Variants in OS9 observed in about 807,000 individuals in gnomAD.
OS9 encodes the protein protein OS-9.
In OS9, 58 loss-of-function variants were observed where a neutral mutation model predicts 84.7. The observed-to-expected ratio is 0.68, with a 90% CI of 0.55 to 0.85. The LOEUF is 0.85. Among genes scored for constraint, OS9 ranks in the 40% least tolerant of loss-of-function variants. The probability of loss-of-function intolerance (pLI) is 0.00; values close to 1 mark genes in which losing one functional copy is unlikely to be tolerated. For synonymous variants in OS9, 278 were observed against 320.8 expected (o/e 0.87, Z 1.43); for missense variants, 760 against 850.9 (o/e 0.89, Z 1.33).
intron 5 of OS9, among the ~76,000 whole-genome samples, chr12:57,697,932 C>CGGAACCTAACATAAGCAAACAA (rs1565767213): frequency 1.8e-5 from 2 of 113,050 alleles, no homozygotes; most frequent in African/African-American, 6.5e-5. Flanking sequence ...CATACACACA[C>CGGAACCTAACATAAGCAAACAA]ACACACACAC....
intron 5 of OS9, among the ~76,000 whole-genome samples, chr12:57,704,874 A>G (rs1595043479): frequency 6.6e-6 from 1 of 152,326 alleles, no homozygotes; most frequent in South Asian, 2.1e-4. Context: ...CTAAAAAAGT[A>G]GAAAAGTGTG....
intron 5 of OS9, among the ~76,000 whole-genome samples, chr12:57,703,233 A>G (rs1288969881): frequency 6.6e-6 from 1 of 152,004 alleles, no homozygotes; most frequent in African/African-American, 2.4e-5. Flanking sequence ...TTATAGTTTT[A>G]GCTCTTAAAT....
intron 5 of OS9, among the ~76,000 whole-genome samples, chr12:57,702,138 A>G (rs1367301759): frequency 6.6e-6 from 1 of 152,224 alleles, no homozygotes; most frequent in Admixed American, 6.5e-5. Context: ...CCTAAAAGTT[A>G]TCATTCTAAC....
chr12:57,715,516 GGC>G (rs1310263355), intron 5 of OS9, among the ~76,000 whole-genome samples: 1 of 152,158 alleles, frequency 6.6e-6, no homozygotes, highest in East Asian at 1.9e-4. Context: ...ACCACTTAAA[GGC>G]TGGTCAACCT....
intron 5 of OS9, among the ~76,000 whole-genome samples, chr12:57,697,837 A>G (rs565471883): frequency 6.9e-4 from 102 of 148,312 alleles, no homozygotes; most frequent in Non-Finnish European, 1.3e-3. Flanking sequence ...TCAAGTGACA[A>G]CTCCCAGGGA....
chr12:57,703,014 G>C (rs988110369), intron 5 of OS9, among the ~76,000 whole-genome samples: 14 of 151,964 alleles, frequency 9.2e-5, no homozygotes, highest in Non-Finnish European at 1.5e-5. Flanking sequence ...TGATTTGTAA[G>C]TATTTTCTCC....
At chr12:57,704,335 G>A (rs1039417980) in intron 5 of OS9, among the ~76,000 whole-genome samples, 5 of 152,248 alleles carry the variant, frequency 3.3e-5, no homozygotes, top group East Asian at 1.9e-4. Flanking sequence ...TCAGGAGTTC[G>A]AGACCAGCCT....
intron 5 of OS9, among the ~76,000 whole-genome samples, chr12:57,708,783 A>T (rs1954248287): frequency 6.6e-6 from 1 of 152,210 alleles, no homozygotes; most frequent in Non-Finnish European, 1.5e-5. Context: ...ATAATCTTGT[A>T]CTTACAGAGG....
rs114532828 is a variant in OS9 at position 57,696,268 on chromosome 12, T to C, written c.481-7T>C. The C allele has an allele frequency of 8.0e-3, 12,806 of 1,603,764 alleles. 122 individuals are homozygous for C. Among genetic ancestry groups the C allele is most frequent in the African/African-American group, 0.045 (3,389 of 74,616 alleles). ...TGTCCCCCATTCCTGCCTCATGTCT[T>C]CTCCAGGCCTCCAAGCAGCATCGTC... On this transcript the variant is annotated splice_polypyrimidine_tract_variant and splice_region_variant and intron_variant, in intron 4 of 14. Transcript: ENST00000315970.
chr12:57,716,286 G>C (rs548268670), intron 7 of OS9, 93 bp downstream of exon 7: 2 of 752,290 alleles, frequency 2.7e-6, no homozygotes, highest in South Asian at 1.5e-5. Flanking sequence ...GGGTGGGGGG[G>C]GGTGGAAAAG....
chr12:57,715,508 C>T (rs1368122449), intron 5 of OS9, among the ~76,000 whole-genome samples: 2 of 152,072 alleles, frequency 1.3e-5, no homozygotes, highest in African/African-American at 4.8e-5. Context: ...CTGTTTTTAC[C>T]ACTTAAAGGC....
Position 57,696,049 on chromosome 12 carries a change from T to G in OS9, c.480+11T>G. On this transcript the variant is annotated intron_variant, in intron 4 of 14. Coordinates refer to ENST00000315970, the MANE Select transcript of OS9 (RefSeq NM_006812.4). ...GATGAAACAGCCAAGGTGGCAAGAGTGTGGGATTCAGGAAGAAAGGGTTCT... is the reference window on the plus strand; with the variant it reads ...GATGAAACAGCCAAGGTGGCAAGAGGGTGGGATTCAGGAAGAAAGGGTTCT... The G allele has an allele frequency of 6.2e-7, 1 of 1,603,066 alleles. No homozygotes were observed. Among genetic ancestry groups the G allele is most frequent in the Non-Finnish European group, 8.5e-7 (1 of 1,170,456 alleles).
chr12:57,709,264 T>G (rs117432567), intron 5 of OS9, among the ~76,000 whole-genome samples: 6,733 of 152,300 alleles, frequency 0.044, 196 homozygotes, highest in Non-Finnish European at 0.072. Flanking sequence ...CGAAATGCTT[T>G]TCAATCTGTC....
At chr12:57,698,104 A>T (rs149403164) in intron 5 of OS9, among the ~76,000 whole-genome samples, 2 of 152,238 alleles carry the variant, frequency 1.3e-5, no homozygotes, top group African/African-American at 4.8e-5. Flanking sequence ...GATGATGTCT[A>T]TCTTGTTTTC....
chr12:57,703,116 C>T (rs1205333266), intron 5 of OS9, among the ~76,000 whole-genome samples: 10 of 152,108 alleles, frequency 6.6e-5, no homozygotes, highest in Admixed American at 2.6e-4. Context: ...AGTGTAATGG[C>T]GCGATCTCAG....
At chr12:57,712,006 T>A (rs988169890) in intron 5 of OS9, among the ~76,000 whole-genome samples, 5 of 152,250 alleles carry the variant, frequency 3.3e-5, no homozygotes, top group African/African-American at 1.2e-4. Flanking sequence ...TTGTCTTTTT[T>A]AAACTTTTTA....
chr12:57,706,268 GT>G (rs1325735868), intron 5 of OS9, among the ~76,000 whole-genome samples: 2 of 151,182 alleles, frequency 1.3e-5, no homozygotes, highest in East Asian at 3.9e-4. Context: ...TAGTCATATG[GT>G]TTTTTTAATA....
Position 57,719,193 on chromosome 12 carries a change from T to C in OS9, c.1600+11T>C. On this transcript the variant is annotated intron_variant, in intron 12 of 14. Transcript: ENST00000315970. ...CACCCCAACCTACAGGTGAGAGCAG[T>C]CAGACAAGAAAGAGTAGCCCAGTCT... 3.1e-6 allele frequency: 5 copies of C among 1,611,642 alleles called. No homozygotes were observed. Among genetic ancestry groups the C allele is most frequent in the Non-Finnish European group, 3.4e-6 (4 of 1,178,580 alleles).
intron 5 of OS9, 115 bp from the exon 6 acceptor site, chr12:57,715,645 C>T: frequency 1.5e-6 from 1 of 686,588 alleles, no homozygotes; most frequent in East Asian, 2.8e-5. Flanking sequence ...GCCATATGCA[C>T]AGTGTATGCA....
Sources: allele counts gnomAD v4.1 joint callset (sites outside exome capture counted in the v4.1 genomes callset), GRCh38; gene constraint gnomAD v4.1.1; transcripts MANE v1.5; gene names NCBI Gene and HGNC (gene_info 2026-07-23, HGNC 2026-07-21).